Variants in NRXN3 observed in about 807,000 individuals in gnomAD.
NRXN3 encodes the protein neurexin 3.
NRXN3 carries 32 observed loss-of-function variants against 137.6 expected under a neutral mutation model. The ratio of observed to expected loss-of-function variants is 0.23; its 90% CI spans 0.18 to 0.31. The LOEUF is 0.31. Ranked by LOEUF, NRXN3 falls within the 10% of genes least tolerant of loss-of-function variation. The pLI is 1.00. For missense variants in NRXN3, 1,574 were observed against 2,062.5 expected, an observed-to-expected ratio of 0.76 and a Z score of 4.59; for synonymous variants, 798 against 784.5, an observed-to-expected ratio of 1.02 and a Z score of -0.29.
chr14:79,685,111 T>C (rs1243785379), intron 17 of NRXN3, among the ~76,000 whole-genome samples: 1 of 152,180 alleles, frequency 6.6e-6, no homozygotes, highest in Non-Finnish European at 1.5e-5. Context: ...TGTAGGGAAG[T>C]AATTCTTGTG....
chr14:79,164,591 G>A (rs980916235), intron 15 of NRXN3, among the ~76,000 whole-genome samples: 11 of 152,044 alleles, frequency 7.2e-5, no homozygotes, highest in African/African-American at 2.4e-4. Flanking sequence ...ACCTAGAGAG[G>A]ATTAATTTGG....
At chr14:78,496,071 G>T (rs972520961) in intron 4 of NRXN3, among the ~76,000 whole-genome samples, 38 of 152,148 alleles carry the variant, frequency 2.5e-4, no homozygotes, top group African/African-American at 8.9e-4. Flanking sequence ...GAAAATGGAG[G>T]GACAAGATAC....
At chr14:78,728,436 A>G (rs1050204833) in intron 8 of NRXN3, among the ~76,000 whole-genome samples, 1 of 152,218 alleles carries the variant, frequency 6.6e-6, no homozygotes, top group Non-Finnish European at 1.5e-5. Context: ...TAAAAGGGCA[A>G]CCTGGGAGGG....
intron 11 of NRXN3, among the ~76,000 whole-genome samples, chr14:78,961,188 T>C (rs1241529748): frequency 6.6e-6 from 1 of 152,130 alleles, no homozygotes; most frequent in African/African-American, 2.4e-5. Flanking sequence ...AAGCCTTCGT[T>C]TTCTTAACTT....
chr14:78,265,739 G>A (rs987611119), intron 2 of NRXN3, among the ~76,000 whole-genome samples: 1 of 152,154 alleles, frequency 6.6e-6, no homozygotes, highest in African/African-American at 2.4e-5. Context: ...TCTGATTTCA[G>A]CTCCAAAATT....
At chr14:79,276,909 T>G (rs1455546064) in intron 15 of NRXN3, among the ~76,000 whole-genome samples, 3 of 152,192 alleles carry the variant, frequency 2.0e-5, no homozygotes, top group African/African-American at 4.8e-5. Context: ...ACTGAGCCCG[T>G]ATGATGTGCT....
chr14:78,540,052 G>A (rs1173331483), intron 4 of NRXN3, among the ~76,000 whole-genome samples: 3 of 152,174 alleles, frequency 2.0e-5, no homozygotes, highest in Non-Finnish European at 2.9e-5. Flanking sequence ...TGGAATAAGC[G>A]CGATGTGGTG....
intron 4 of NRXN3, among the ~76,000 whole-genome samples, chr14:78,400,050 TTTTC>T (rs1262707762): frequency 1.3e-5 from 2 of 152,224 alleles, no homozygotes; most frequent in Non-Finnish European, 2.9e-5. Context: ...CTGTGTTTTG[TTTTC>T]TTTTTCTTTC....
In NRXN3 at chr14:78,622,336, A is replaced by G. The variant is rs2152503792; in HGVS notation, c.758-22784A>G. On this transcript the variant is annotated intron_variant, in intron 4 of 20. Coordinates refer to ENST00000335750, the MANE Select transcript of NRXN3 (RefSeq NM_001330195.2). ...AAGGTACTTTGGTATATCTCATGCC[A>G]CATTTCACAGATCTTCTGTTCTGTG... Among the ~76,000 whole-genome samples the G allele has an allele frequency of 1.3e-5, 2 of 152,356 alleles. 1 individual carries two copies. The highest frequency in any genetic ancestry group is 6.8e-3 in the Middle Eastern group (2 of 294).
chr14:79,440,223 G>A (rs917119797), intron 15 of NRXN3, among the ~76,000 whole-genome samples: 7 of 152,270 alleles, frequency 4.6e-5, no homozygotes, highest in African/African-American at 7.2e-5. Context: ...AAGAGCCTTT[G>A]GATTCAGCCA....
intron 15 of NRXN3, among the ~76,000 whole-genome samples, chr14:79,342,690 G>C (rs1047070850): frequency 6.6e-6 from 1 of 152,156 alleles, no homozygotes; most frequent in Non-Finnish European, 1.5e-5. Flanking sequence ...AACTGTATTA[G>C]TTAGGATGCT....
chr14:79,536,316 A>G (rs1369603006), intron 16 of NRXN3, among the ~76,000 whole-genome samples: 1 of 152,138 alleles, frequency 6.6e-6, no homozygotes, highest in Non-Finnish European at 1.5e-5. Context: ...AAACTTGTTG[A>G]TTTTAGCTCT....
chr14:78,432,445 T>C (rs1239032587), intron 4 of NRXN3, among the ~76,000 whole-genome samples: 1 of 152,182 alleles, frequency 6.6e-6, no homozygotes, highest in Non-Finnish European at 1.5e-5. Context: ...CTGTTCAGCA[T>C]TGGCTAGAAC....
chr14:79,071,458 A>AT (rs2099687666), intron 15 of NRXN3, among the ~76,000 whole-genome samples: 1 of 152,170 alleles, frequency 6.6e-6, no homozygotes. Flanking sequence ...TGAGAAACAC[A>AT]TTTTTTAAAT....
At chr14:78,947,837 G>A (rs2099369936) in intron 10 of NRXN3, among the ~76,000 whole-genome samples, 1 of 152,118 alleles carries the variant, frequency 6.6e-6, no homozygotes, top group Non-Finnish European at 1.5e-5. Flanking sequence ...ATCTATCTGT[G>A]GAGTCAGGAC....
At chr14:79,346,481 C>T (rs1262221297) in intron 15 of NRXN3, among the ~76,000 whole-genome samples, 1 of 152,090 alleles carries the variant, frequency 6.6e-6, no homozygotes, top group Non-Finnish European at 1.5e-5. Context: ...GATATGAGCA[C>T]ATCATAAAAT....
In NRXN3 at chr14:78,275,395, T is replaced by C. The variant is rs74065967; in HGVS notation, c.710-3250T>C. Among the ~76,000 whole-genome samples, 337 of 152,302 alleles carry C rather than the reference T, an allele frequency of 2.2e-3. 2 individuals are homozygous for C. The highest frequency in any genetic ancestry group is 7.8e-3 in the African/African-American group (326 of 41,564). On this transcript the variant is annotated intron_variant, in intron 2 of 20. Coordinates refer to ENST00000335750, the MANE Select transcript of NRXN3 (RefSeq NM_001330195.2). ...CGCAGAAATACTTTTAGTATCTCCA[T>C]TTATACATGATAAGTTTGAGGCTCA...
chr14:78,460,165 G>A (rs972120954), intron 4 of NRXN3, among the ~76,000 whole-genome samples: 1 of 152,204 alleles, frequency 6.6e-6, no homozygotes, highest in Non-Finnish European at 1.5e-5. Context: ...AGGTGGGGAG[G>A]GGTTTGGCGC....
intron 15 of NRXN3, among the ~76,000 whole-genome samples, chr14:79,277,429 G>T (rs1481141076): frequency 6.6e-6 from 1 of 152,144 alleles, no homozygotes; most frequent in Non-Finnish European, 1.5e-5. Context: ...AATTATCATG[G>T]ATATTTAGGA....
Sources: gnomAD v4.1 joint callset for allele counts (sites outside exome capture counted in the v4.1 genomes callset) on GRCh38, gnomAD v4.1.1 for gene constraint, MANE v1.5 for transcripts, NCBI Gene and HGNC (gene_info 2026-07-23, HGNC 2026-07-21) for gene names.